PTPRT: variants seen among roughly 807,000 people sequenced by gnomAD.
PTPRT encodes the protein receptor-type tyrosine-protein phosphatase T.
A neutral mutation model predicts 176.8 loss-of-function variants in PTPRT; 56 were observed. That is an observed-to-expected ratio of 0.32 (90% CI 0.26 to 0.40). The LOEUF is 0.40. Among genes scored for constraint, PTPRT ranks in the 10% least tolerant of loss-of-function variants. PTPRT has a pLI of 1.00. For missense variants in PTPRT, 1,540 were observed against 1,908.2 expected (o/e 0.81, Z 3.60); for synonymous variants, 783 against 739.0 (o/e 1.06, Z -0.96).
chr20:42,618,876 G>A (rs1468292869), intron 7 of PTPRT, among the ~76,000 whole-genome samples: 7 of 146,398 alleles, frequency 4.8e-5, no homozygotes, highest in South Asian at 4.5e-4. Flanking sequence ...CACACTGATG[G>A]GTCTTGACTC....
intron 8 of PTPRT, among the ~76,000 whole-genome samples, chr20:42,454,664 A>C (rs549069146): frequency 2.0e-5 from 3 of 152,174 alleles, no homozygotes; most frequent in Admixed American, 6.5e-5. Flanking sequence ...TTTATTGGCT[A>C]TATGTGCTAC....
chr20:42,097,935 C>A (rs938753448), intron 27 of PTPRT, among the ~76,000 whole-genome samples: 4 of 152,186 alleles, frequency 2.6e-5, no homozygotes, highest in Middle Eastern at 3.2e-3. Context: ...CAAAGGTCAA[C>A]CGTGAGGAAC....
At chr20:42,921,710 C>G (rs6030561) in intron 1 of PTPRT, among the ~76,000 whole-genome samples, 1 of 152,198 alleles carries the variant, frequency 6.6e-6, no homozygotes, top group Non-Finnish European at 1.5e-5. Flanking sequence ...TAATCTATAG[C>G]GGCAGCATCC....
intron 9 of PTPRT, among the ~76,000 whole-genome samples, chr20:42,356,765 A>C (rs2058363781): frequency 6.6e-6 from 1 of 152,166 alleles, no homozygotes; most frequent in Non-Finnish European, 1.5e-5. Context: ...TCTCAGGATG[A>C]AGAATGTGTC....
At chr20:42,773,944 C>G (rs2077098009) in intron 4 of PTPRT, among the ~76,000 whole-genome samples, 2 of 152,212 alleles carry the variant, frequency 1.3e-5, no homozygotes, top group Non-Finnish European at 2.9e-5. Context: ...TTTTCTGGAT[C>G]AATGTCCCCA....
intron 1 of PTPRT, among the ~76,000 whole-genome samples, chr20:42,938,002 G>T (rs745428184): frequency 6.6e-6 from 1 of 152,074 alleles, no homozygotes; most frequent in African/African-American, 2.4e-5. Flanking sequence ...GACTCATACA[G>T]ATATGAAATA....
intron 15 of PTPRT, among the ~76,000 whole-genome samples, chr20:42,216,869 G>A (rs574096951): frequency 6.6e-6 from 1 of 152,300 alleles, no homozygotes; most frequent in East Asian, 1.9e-4. Context: ...GTGTGCATCA[G>A]AATCACCTTG....
intron 9 of PTPRT, among the ~76,000 whole-genome samples, chr20:42,405,617 A>G (rs1462493402): frequency 1.3e-5 from 2 of 152,184 alleles, no homozygotes; most frequent in East Asian, 3.9e-4. Context: ...GTTGGTTCCA[A>G]GTCTTTGCCA....
At chr20:42,655,225 C>T (rs1238429540) in intron 7 of PTPRT, among the ~76,000 whole-genome samples, 2 of 152,216 alleles carry the variant, frequency 1.3e-5, no homozygotes, top group African/African-American at 2.4e-5. Context: ...TGCAGTGGCT[C>T]ACGCCTGTAA....
chr20:42,540,017 T>A (rs1384437152), intron 7 of PTPRT, among the ~76,000 whole-genome samples: 1 of 152,144 alleles, frequency 6.6e-6, no homozygotes, highest in Admixed American at 6.5e-5. Flanking sequence ...TCCCTAGATG[T>A]GAAGAATGAG....
At chr20:42,615,350 G>A (rs560120746) in intron 7 of PTPRT, among the ~76,000 whole-genome samples, 7 of 137,312 alleles carry the variant, frequency 5.1e-5, no homozygotes, top group East Asian at 2.0e-4. Context: ...TGGACATTTC[G>A]GTTGGTTCCA....
intron 1 of PTPRT, among the ~76,000 whole-genome samples, chr20:42,955,752 T>C (rs1264416909): frequency 6.6e-6 from 1 of 150,620 alleles, no homozygotes; most frequent in Non-Finnish European, 1.5e-5. Context: ...GCTGAGGCAG[T>C]ACATTCTCAC....
At chr20:42,241,483 G>A (rs910135920) in intron 14 of PTPRT, among the ~76,000 whole-genome samples, 6 of 152,102 alleles carry the variant, frequency 3.9e-5, no homozygotes, top group Admixed American at 1.3e-4. Context: ...AATATTTCTT[G>A]TAGGTGAATT....
intron 7 of PTPRT, among the ~76,000 whole-genome samples, chr20:42,579,752 GTTGT>G (rs1181483737): frequency 2.6e-5 from 4 of 152,124 alleles, no homozygotes; most frequent in East Asian, 1.9e-4. Context: ...TGTTGATGGG[GTTGT>G]TTGTTTTTTC....
chr20:42,678,432 C>T (rs548700803), intron 6 of PTPRT, among the ~76,000 whole-genome samples: 51 of 152,218 alleles, frequency 3.4e-4, no homozygotes, highest in African/African-American at 1.2e-3. Flanking sequence ...TCCCAAGTAG[C>T]TGGGATTACA....
chr20:42,270,379 C>CCCGGGGCG (rs2146998979), intron 13 of PTPRT: 19 of 1,541,552 alleles, frequency 1.2e-5, no homozygotes, highest in Non-Finnish European at 1.5e-5. Context: ...CCCACCCGCC[C>CCCGGGGCG]AGGGCTCTGG....
chr20:42,218,878 A>G (rs568376257), intron 15 of PTPRT, among the ~76,000 whole-genome samples: 1 of 152,328 alleles, frequency 6.6e-6, no homozygotes, highest in East Asian at 1.9e-4. Context: ...TTAAGGATAA[A>G]TTAATGGATG....
At chr20:42,651,331 T>C (rs1270943733) in intron 7 of PTPRT, among the ~76,000 whole-genome samples, 2 of 152,216 alleles carry the variant, frequency 1.3e-5, no homozygotes, top group Non-Finnish European at 2.9e-5. Context: ...GCATACCCTA[T>C]TGATCTCAAA....
intron 6 of PTPRT, among the ~76,000 whole-genome samples, chr20:42,728,417 G>T (rs184230554): frequency 6.6e-6 from 1 of 152,140 alleles, no homozygotes; most frequent in South Asian, 2.1e-4. Context: ...ATCTTGCAAG[G>T]GGGGAGAGGT....
Sources: gnomAD v4.1 joint callset for allele counts (sites outside exome capture counted in the v4.1 genomes callset) on GRCh38, gnomAD v4.1.1 for gene constraint, MANE v1.5 for transcripts, NCBI Gene and HGNC (gene_info 2026-07-23, HGNC 2026-07-21) for gene names.